Variants in AQP9 observed in about 807,000 individuals in gnomAD.
AQP9 encodes aquaporin 9, also known as aquaporin-9.
A neutral mutation model predicts 23.8 loss-of-function variants in AQP9; 19 were observed. The ratio of observed to expected loss-of-function variants is 0.80; its 90% CI spans 0.56 to 1.17. AQP9 has a LOEUF of 1.17. Ranked by LOEUF, AQP9 falls within the 50% of genes most tolerant of loss-of-function variation. The pLI is 0.00. For synonymous variants in AQP9, 153 were observed against 131.5 expected (o/e 1.16, Z -1.12); for missense variants, 413 against 362.0 (o/e 1.14, Z -1.14).
intron 2 of AQP9, among the ~76,000 whole-genome samples, chr15:58,171,607 G>GAA (rs1898622932): frequency 6.6e-6 from 1 of 152,164 alleles, no homozygotes; most frequent in Non-Finnish European, 1.5e-5. Context: ...GTGTTTATAA[G>GAA]GCTTTAGGAA....
At chr15:58,149,950 T>C (rs186917820) in intron 1 of AQP9, among the ~76,000 whole-genome samples, 2 of 152,352 alleles carry the variant, frequency 1.3e-5, no homozygotes, top group Non-Finnish European at 2.9e-5. Flanking sequence ...AGATGCTTTC[T>C]CCAGGAGCTA....
chr15:58,177,297 A>G lies in AQP9; in HGVS notation c.496-1831A>G, dbSNP rs115692313. On this transcript the variant is annotated intron_variant, in intron 4 of 5. Coordinates refer to ENST00000219919, the MANE Select transcript of AQP9 (RefSeq NM_020980.5). ...CCTACTTAGCCAAGTACAGCTCTATACTCTTCCTTCTTCAAGGAGTTCAGA... is the reference window on the plus strand; with the variant it reads ...CCTACTTAGCCAAGTACAGCTCTATGCTCTTCCTTCTTCAAGGAGTTCAGA... Among the ~76,000 whole-genome samples the G allele has an allele frequency of 6.9e-3, 1,050 of 152,284 alleles. 11 individuals carry two copies. Among genetic ancestry groups the G allele is most frequent in the African/African-American group, 0.024 (991 of 41,558 alleles).
intron 5 of AQP9, among the ~76,000 whole-genome samples, chr15:58,181,043 T>C (rs1276917621): frequency 6.6e-6 from 1 of 152,212 alleles, no homozygotes; most frequent in Non-Finnish European, 1.5e-5. Context: ...ACCAAGCTCT[T>C]CTTCCACCCC....
At chr15:58,172,738 T>A (rs1233956645) in intron 2 of AQP9, among the ~76,000 whole-genome samples, 1 of 152,170 alleles carries the variant, frequency 6.6e-6, no homozygotes, top group Admixed American at 6.5e-5. Context: ...CATCAGTCTG[T>A]TTGGGGTGAC....
chr15:58,159,477 C>G (rs1469354321), intron 1 of AQP9, among the ~76,000 whole-genome samples: 2 of 151,962 alleles, frequency 1.3e-5, no homozygotes, highest in African/African-American at 2.4e-5. Flanking sequence ...ATTGGGTGAT[C>G]CATTGCCTTA....
chr15:58,146,174 T>C (rs1414243576), intron 1 of AQP9, among the ~76,000 whole-genome samples: 1 of 152,298 alleles, frequency 6.6e-6, no homozygotes, highest in Admixed American at 6.5e-5. Context: ...AAAATTTTCC[T>C]CTTTATTACC....
Position 58,138,560 on chromosome 15 carries a change from C to G in AQP9, c.-6C>G. On this transcript the variant is annotated 5_prime_UTR_variant, in exon 1 of 6. Transcript: ENST00000219919. Reference sequence around the variant, plus strand: ...TAGAAACAGGAGTCCTCAGAGAAGCCCCAAGATGCAGCCTGAGGGAGCAGA... The same window carrying G: ...TAGAAACAGGAGTCCTCAGAGAAGCGCCAAGATGCAGCCTGAGGGAGCAGA... The G allele has an allele frequency of 6.2e-7, 1 of 1,612,916 alleles. No homozygotes were observed. Among genetic ancestry groups the G allele is most frequent in the Non-Finnish European group, 8.5e-7 (1 of 1,179,208 alleles).
At chr15:58,171,018 G>C (rs1313635190) in intron 2 of AQP9, among the ~76,000 whole-genome samples, 6 of 151,602 alleles carry the variant, frequency 4.0e-5, no homozygotes, top group African/African-American at 1.5e-4. Context: ...TCTGCCTCCT[G>C]GGTTCAAGCA....
intron 1 of AQP9, chr15:58,151,821 C>G (rs1898156189): frequency 6.6e-6 from 1 of 152,094 alleles, no homozygotes; most frequent in African/African-American, 2.4e-5. Flanking sequence ...ATTGCTGGCT[C>G]AATAGTACTT....
chr15:58,164,904 T>C (rs1246188534), intron 1 of AQP9, among the ~76,000 whole-genome samples: 1 of 152,192 alleles, frequency 6.6e-6, no homozygotes, highest in Non-Finnish European at 1.5e-5. Flanking sequence ...CAACCTTTCA[T>C]ATTTTAGTTT....
intron 2 of AQP9, among the ~76,000 whole-genome samples, chr15:58,169,951 T>C (rs1445348117): frequency 6.6e-6 from 1 of 152,156 alleles, no homozygotes; most frequent in South Asian, 2.1e-4. Context: ...AGGAGAGGAT[T>C]TGCATAGAAC....
intron 4 of AQP9, 90 bp from the exon 5 acceptor site, chr15:58,179,038 A>G: frequency 1.1e-6 from 1 of 882,726 alleles, no homozygotes; most frequent in East Asian, 2.6e-5. Flanking sequence ...TAATATTGTA[A>G]TATTGTAAAA....
In AQP9 at chr15:58,184,477, C is replaced by T. The variant is rs1459339788; in HGVS notation, c.*342C>T. 6 of 205,330 alleles carry T rather than the reference C, an allele frequency of 2.9e-5. No individual in the cohort carries two copies. The highest frequency in any genetic ancestry group is 4.9e-5 in the Non-Finnish European group (5 of 102,192). 12.7% of individuals were successfully genotyped at this position (205,330 alleles called of 1,614,324 possible). On this transcript the variant is annotated 3_prime_UTR_variant, in exon 6 of 6. Coordinates refer to ENST00000219919, the MANE Select transcript of AQP9 (RefSeq NM_020980.5). ...TCCCATTTGGGTGGTTTCAGCTGCACTATCTGTATGAAATGGTGTCACCAA... is the reference window on the plus strand; with the variant it reads ...TCCCATTTGGGTGGTTTCAGCTGCATTATCTGTATGAAATGGTGTCACCAA...
Position 58,147,890 on chromosome 15 carries a change from G to GCACACACA in AQP9, c.111+9225_111+9232dup, listed in dbSNP as rs112161250. On this transcript the variant is annotated intron_variant, in intron 1 of 5. Coordinates refer to ENST00000219919, the MANE Select transcript of AQP9 (RefSeq NM_020980.5). The stretch of plus-strand genomic sequence containing the variant: ...AATACCCTCACCTGTATAAACACAT[G>GCACACACA]CACACACACACACACACATATACAT... Among the ~76,000 whole-genome samples, 687 of 150,402 alleles carry GCACACACA rather than the reference G, an allele frequency of 4.6e-3. 8 individuals are homozygous for GCACACACA. Among genetic ancestry groups the GCACACACA allele is most frequent in the African/African-American group, 0.014 (555 of 41,082 alleles).
intron 2 of AQP9, 139 bp from the exon 3 acceptor site, chr15:58,172,929 G>A (rs375553907): frequency 2.0e-5 from 20 of 1,002,674 alleles, no homozygotes; most frequent in Admixed American, 6.6e-5. Context: ...TCTCTTTCAC[G>A]TGCATACACA....
intron 1 of AQP9, chr15:58,164,013 G>A (rs1205943989): frequency 6.6e-6 from 1 of 152,546 alleles, no homozygotes; most frequent in Admixed American, 6.6e-5. Context: ...TGTAATGCTG[G>A]AAATCTGGGC....
intron 5 of AQP9, 72 bp from the exon 6 acceptor site, chr15:58,183,889 G>A: frequency 6.8e-7 from 1 of 1,479,534 alleles, no homozygotes; most frequent in Non-Finnish European, 9.2e-7. Context: ...ACTAACAAGT[G>A]AGTGAAAAAC....
At chr15:58,166,925 T>C in intron 2 of AQP9, 126 bp downstream of exon 2, 2 of 1,256,670 alleles carry the variant, frequency 1.6e-6, no homozygotes, top group East Asian at 5.6e-5. Context: ...GTGTATTGGA[T>C]CCCATTTTTA....
chr15:58,179,747 G>A (rs973270264), intron 5 of AQP9, among the ~76,000 whole-genome samples: 1 of 152,118 alleles, frequency 6.6e-6, no homozygotes, highest in Non-Finnish European at 1.5e-5. Context: ...CGTGAACCAC[G>A]CAACCTATGC....
Sources: gnomAD v4.1 joint callset for allele counts (sites outside exome capture counted in the v4.1 genomes callset) on GRCh38, gnomAD v4.1.1 for gene constraint, MANE v1.5 for transcripts, NCBI Gene and HGNC (gene_info 2026-07-23, HGNC 2026-07-21) for gene names.